OPA1: variants seen among roughly 807,000 people sequenced by gnomAD.
The protein encoded by OPA1 is dynamin-like GTPase OPA1, mitochondrial.
A neutral mutation model predicts 152.9 loss-of-function variants in OPA1; 59 were observed. The observed-to-expected ratio is 0.39, with a 90% CI of 0.31 to 0.48. The LOEUF is 0.48. OPA1 is among the 20% of genes least tolerant of loss of function. OPA1 has a pLI of 0.96. For synonymous variants in OPA1, 400 were observed against 389.9 expected, an observed-to-expected ratio of 1.03 and a Z score of -0.31; for missense variants, 1,008 against 1,216.8, an observed-to-expected ratio of 0.83 and a Z score of 2.55.
intron 29 of OPA1, among the ~76,000 whole-genome samples, chr3:193,681,362 C>T (rs1026642055): frequency 2.0e-5 from 3 of 152,070 alleles, no homozygotes; most frequent in African/African-American, 7.2e-5. Flanking sequence ...TTATTAATTC[C>T]CTGGCATATT....
chr3:193,614,715 T>C lies in OPA1; in HGVS notation c.33-8T>C, dbSNP rs370303596. ...CTGATCTTTCTTCCATATTCATTTT[T>C]CTTTCAGTGAGGTCTGCCAGTCTTT... On this transcript the variant is annotated splice_region_variant and splice_polypyrimidine_tract_variant and intron_variant, in intron 1 of 30. Transcript: ENST00000361510. The C allele has an allele frequency of 2.6e-5, 41 of 1,605,474 alleles. No individual in the cohort carries two copies. The highest frequency in any genetic ancestry group is 3.4e-5 in the Non-Finnish European group (40 of 1,172,220).
In OPA1 at chr3:193,643,570, T is replaced by C. The variant is rs1289248128; in HGVS notation, c.1420T>C (p.Phe474Leu). The change falls in exon 15 of 31, where the codon TTC (phenylalanine) becomes CTC (leucine). Residue 474 changes from phenylalanine (F) to leucine (L), a missense_variant. Around this residue, in one of 7 missense-constraint regions of OPA1, gnomAD observed 213 missense variants for 291.4 expected, o/e 0.73. Transcript: ENST00000361510. ...GMAPDTKETI[F>L]SISKAYMQNP... ...GGCTCCTGACACAAAGGAAACTATT[T>C]TCAGTATCAGCAAAGCTTACATGCA... 1 of 1,613,934 alleles carries C rather than the reference T, an allele frequency of 6.2e-7. No homozygotes were observed. Among genetic ancestry groups the C allele is most frequent in the Non-Finnish European group, 8.5e-7 (1 of 1,179,918 alleles).
Position 193,617,807 on chromosome 3 carries a change from A to G in OPA1, c.580A>G (p.Ile194Val), listed in dbSNP as rs368853243. The change falls in exon 5 of 31, where the codon ATA becomes GTA. Residue 194 changes from isoleucine (I) to valine (V), a missense_variant. Coordinates refer to ENST00000361510, the MANE Select transcript of OPA1 (RefSeq NM_130837.3). ...AGGTCACAAATTGGTTAGTGAAGTC[A>G]TAGGAGCTTCTGACCTACTTCTCTT... ...TSGHKLVSEVIGASDLLLLLG... is the reference protein window; with the variant it reads ...TSGHKLVSEVVGASDLLLLLG... The G allele has an allele frequency of 5.6e-6, 9 of 1,613,048 alleles. No homozygotes were observed. The highest frequency in any genetic ancestry group is 7.6e-6 in the Non-Finnish European group (9 of 1,179,356).
intron 7 of OPA1, among the ~76,000 whole-genome samples, chr3:193,630,325 C>T (rs187847637): frequency 6.6e-6 from 1 of 151,846 alleles, no homozygotes; most frequent in Non-Finnish European, 1.5e-5. Context: ...ATTACCAGAT[C>T]GTTTTTGGAG....
At chr3:193,649,689 C>G (rs146433572) in intron 21 of OPA1, among the ~76,000 whole-genome samples, 1 of 152,266 alleles carries the variant, frequency 6.6e-6, no homozygotes, top group African/African-American at 2.4e-5. Context: ...TGTTTGAATT[C>G]AGCATCACTA....
intron 7 of OPA1, 62 bp downstream of exon 7, chr3:193,626,264 T>C: frequency 8.9e-7 from 1 of 1,119,376 alleles, no homozygotes; most frequent in East Asian, 2.3e-5. Context: ...TCTGCCAAGA[T>C]CATGTCACCT....
At chr3:193,648,982 G>A in intron 21 of OPA1, 111 bp downstream of exon 21, 2 of 777,780 alleles carry the variant, frequency 2.6e-6, no homozygotes, top group South Asian at 1.5e-5. Context: ...TTGGCTCATA[G>A]GCAAAAACGT....
intron 8 of OPA1, among the ~76,000 whole-genome samples, chr3:193,634,510 C>T (rs1458440697): frequency 3.3e-5 from 5 of 151,850 alleles, no homozygotes; most frequent in Non-Finnish European, 7.4e-5. Context: ...CTCCGCCTCC[C>T]GGGTTCAAGC....
chr3:193,645,544 T>A lies in OPA1; in HGVS notation c.1609-9T>A. ...ATCTCACATTAATTTTTCCCACTTT[T>A]AAAAATAGATTCAGCAGATAATTGA... On this transcript the variant is annotated splice_polypyrimidine_tract_variant and intron_variant, in intron 16 of 30. Transcript: ENST00000361510. 6.2e-7 allele frequency: 1 copy of A among 1,608,664 alleles called. No homozygotes were observed. Among genetic ancestry groups the A allele is most frequent in the African/African-American group, 1.3e-5 (1 of 74,930 alleles).
chr3:193,647,963 ACT>A (rs1323979549), intron 19 of OPA1, 105 bp from the exon 20 acceptor site: 1 of 786,168 alleles, frequency 1.3e-6, no homozygotes, highest in Non-Finnish European at 2.3e-6. Context: ...TCATAGGCGC[ACT>A]CTCAGAAATT....
chr3:193,682,298 C>T (rs1296445262), intron 29 of OPA1, among the ~76,000 whole-genome samples: 1 of 152,150 alleles, frequency 6.6e-6, no homozygotes, highest in Non-Finnish European at 1.5e-5. Flanking sequence ...AAATTTGAAG[C>T]TAGCAAAGTT....
intron 1 of OPA1, among the ~76,000 whole-genome samples, chr3:193,606,249 T>C (rs1727246850): frequency 6.6e-6 from 1 of 152,184 alleles, no homozygotes; most frequent in African/African-American, 2.4e-5. Flanking sequence ...AAAAATATTT[T>C]CCAAAGTGTG....
At chr3:193,626,284 C>G in intron 7 of OPA1, 82 bp downstream of exon 7, 1 of 914,838 alleles carries the variant, frequency 1.1e-6, no homozygotes, top group Non-Finnish European at 1.8e-6. Context: ...TCAATCTGTT[C>G]ATGGACTCCA....
Position 193,648,095 on chromosome 3 carries a change from A to G in OPA1, c.1896A>G (p.Glu632=), listed in dbSNP as rs1186150142. The G allele has an allele frequency of 4.3e-6, 7 of 1,613,722 alleles. No individual in the cohort carries two copies. The highest frequency in any genetic ancestry group is 5.1e-6 in the Non-Finnish European group (6 of 1,179,636). ...FKATRFNLET[E]WKNNYPRLRE... Reference sequence around the variant, plus strand: ...CAACACGTTTTAACCTTGAAACTGAATGGAAGAATAACTATCCTCGCCTGC... The same window carrying G: ...CAACACGTTTTAACCTTGAAACTGAGTGGAAGAATAACTATCCTCGCCTGC... The change falls in exon 20 of 31, where the codon GAA becomes GAG. Residue 632 remains glutamate (E), a synonymous_variant. Coordinates refer to ENST00000361510, the MANE Select transcript of OPA1 (RefSeq NM_130837.3).
At chr3:193,613,691 C>T (rs1192882802) in intron 1 of OPA1, among the ~76,000 whole-genome samples, 2 of 152,026 alleles carry the variant, frequency 1.3e-5, no homozygotes, top group Admixed American at 6.6e-5. Flanking sequence ...GATTCTCCTG[C>T]CTCAGCCTCC....
intron 29 of OPA1, among the ~76,000 whole-genome samples, chr3:193,672,969 T>A (rs6444736): frequency 0.43 from 65,668 of 152,052 alleles, 14,441 homozygotes; most frequent in Non-Finnish European, 0.43. Flanking sequence ...AAACTGTTTA[T>A]GAATGTAAAA....
At chr3:193,601,253 A>G (rs1422558740) in intron 1 of OPA1, among the ~76,000 whole-genome samples, 1 of 152,126 alleles carries the variant, frequency 6.6e-6, no homozygotes, top group Non-Finnish European at 1.5e-5. Flanking sequence ...TTTCCCCGGT[A>G]GAAACTAGCT....
chr3:193,615,629 T>C, intron 2 of OPA1, 45 bp from the exon 3 acceptor site: 1 of 1,011,158 alleles, frequency 9.9e-7, no homozygotes, highest in Admixed American at 1.7e-5. Flanking sequence ...TACATGTTTA[T>C]TTGGCATGCA....
At chr3:193,693,126 C>A (rs1721897278) in intron 30 of OPA1, among the ~76,000 whole-genome samples, 1 of 151,904 alleles carries the variant, frequency 6.6e-6, no homozygotes, top group Non-Finnish European at 1.5e-5. Context: ...TAAAAGGTTC[C>A]CTCCCTGGCT....
Sources: gnomAD v4.1 joint callset for allele counts (sites outside exome capture counted in the v4.1 genomes callset) on GRCh38, gnomAD v4.1.1 for gene constraint, gnomAD v4.1.1 regional missense constraint, MANE v1.5 for transcripts, NCBI Gene and HGNC (gene_info 2026-07-23, HGNC 2026-07-21) for gene names.